TTC23: variants seen among roughly 807,000 people sequenced by gnomAD.
TTC23 encodes the protein tetratricopeptide repeat domain 23, also known as tetratricopeptide repeat protein 23.
TTC23 carries 58 observed loss-of-function variants against 55.1 expected under a neutral mutation model. The observed-to-expected ratio is 1.05, with a 90% confidence interval of 0.85 to 1.31. TTC23 has a LOEUF of 1.31. Ranked by LOEUF, TTC23 falls within the 50% of genes most tolerant of loss-of-function variation. The pLI is 0.00. For missense variants in TTC23, 516 were observed against 534.4 expected (o/e 0.97, Z 0.34); for synonymous variants, 203 against 199.9 (o/e 1.02, Z -0.13).
chr15:99,149,148 A>G (rs1243328261), intron 12 of TTC23, among the ~76,000 whole-genome samples: 2 of 152,190 alleles, frequency 1.3e-5, no homozygotes, highest in African/African-American at 4.8e-5. Context: ...GGCATTTGAG[A>G]AACTCCAGTC....
intron 9 of TTC23, among the ~76,000 whole-genome samples, chr15:99,181,239 A>G (rs989128142): frequency 6.6e-6 from 1 of 152,192 alleles, no homozygotes; most frequent in African/African-American, 2.4e-5. Flanking sequence ...TGATTTTCTA[A>G]TCAATGTAAT....
chr15:99,139,547 C>A, intron 12 of TTC23, 148 bp from the exon 13 acceptor site: 1 of 1,547,620 alleles, frequency 6.5e-7, no homozygotes, highest in Non-Finnish European at 8.7e-7. Flanking sequence ...CTCCTAGTGA[C>A]TGACCTTTGG....
intron 8 of TTC23, among the ~76,000 whole-genome samples, chr15:99,203,007 A>C (rs2076321661): frequency 6.6e-6 from 1 of 152,158 alleles, no homozygotes; most frequent in Admixed American, 6.6e-5. Flanking sequence ...CCCAACCTGC[A>C]CACCATATGC....
intron 8 of TTC23, among the ~76,000 whole-genome samples, chr15:99,204,389 T>C (rs192689536): frequency 6.6e-6 from 1 of 152,288 alleles, no homozygotes; most frequent in Admixed American, 6.5e-5. Flanking sequence ...TATTAATCCC[T>C]CGACAGATGG....
rs1286172224 is a variant in TTC23 at position 99,182,248 on chromosome 15, T to TCTCA, written c.760-7094_760-7093insTGAG. Among the ~76,000 whole-genome samples the TCTCA allele has an allele frequency of 6.3e-3, 690 of 108,696 alleles. 6 individuals carry two copies. The highest frequency in any genetic ancestry group is 0.017 in the African/African-American group (444 of 26,200). 71.3% of individuals were successfully genotyped at this position (108,696 alleles called of 152,430 possible). ...ATCTCTCTCTCTCTCTCTCTCTCTC[T>TCTCA]CACACACACACACACACACACACAC... On this transcript the variant is annotated intron_variant, in intron 9 of 13. Transcript: ENST00000394132.
intron 1 of TTC23, among the ~76,000 whole-genome samples, chr15:99,246,998 AT>A (rs1198059446): frequency 3.1e-4 from 47 of 152,338 alleles, no homozygotes; most frequent in Non-Finnish European, 4.4e-4. Context: ...AATTAAAAAA[AT>A]AGGCAAAATA....
intron 12 of TTC23, among the ~76,000 whole-genome samples, chr15:99,142,030 G>A (rs1345899179): frequency 1.3e-5 from 2 of 152,162 alleles, no homozygotes; most frequent in Non-Finnish European, 2.9e-5. Flanking sequence ...TAGGCAATGG[G>A]CTGAGCTGCT....
chr15:99,160,786 G>A (rs528878961), intron 11 of TTC23: 6 of 152,164 alleles, frequency 3.9e-5, no homozygotes, highest in Admixed American at 6.5e-5. Context: ...AGGCTGAGGC[G>A]GGCGGATCAC....
intron 4 of TTC23, among the ~76,000 whole-genome samples, chr15:99,232,405 G>A (rs1596971581): frequency 1.3e-5 from 2 of 151,620 alleles, no homozygotes; most frequent in South Asian, 4.2e-4. Context: ...CTTGAACTTG[G>A]GAGGCGGAGG....
chr15:99,245,918 A>C (rs2080204311), intron 1 of TTC23, among the ~76,000 whole-genome samples: 1 of 150,338 alleles, frequency 6.7e-6, no homozygotes, highest in African/African-American at 2.5e-5. Flanking sequence ...CATTCTCCTG[A>C]CTCAGCCTCC....
chr15:99,190,438 A>T (rs887370367), intron 9 of TTC23, among the ~76,000 whole-genome samples: 4 of 152,060 alleles, frequency 2.6e-5, no homozygotes, highest in Admixed American at 2.0e-4. Flanking sequence ...ATGCCTAGCT[A>T]ATTTCCTTGT....
intron 12 of TTC23, among the ~76,000 whole-genome samples, chr15:99,154,648 G>A (rs782033323): frequency 1.3e-5 from 2 of 152,030 alleles, no homozygotes; most frequent in African/African-American, 2.4e-5. Flanking sequence ...CCTAATCTCC[G>A]GTAGTGTGAA....
intron 8 of TTC23, 38 bp downstream of exon 8, chr15:99,218,550 C>G: frequency 6.2e-7 from 1 of 1,612,824 alleles, no homozygotes; most frequent in Non-Finnish European, 8.5e-7. Flanking sequence ...AAGAGCCTCC[C>G]GCCATCATGT....
intron 12 of TTC23, among the ~76,000 whole-genome samples, chr15:99,149,670 G>A (rs1400832561): frequency 6.6e-6 from 1 of 152,208 alleles, no homozygotes; most frequent in Non-Finnish European, 1.5e-5. Flanking sequence ...CCTTATATAA[G>A]AACAACCTGC....
chr15:99,165,102 TA>T (rs1290099692), intron 10 of TTC23, among the ~76,000 whole-genome samples: 1 of 152,238 alleles, frequency 6.6e-6, no homozygotes, highest in Non-Finnish European at 1.5e-5. Context: ...TTGATGATTT[TA>T]ATTTTAGGGA....
chr15:99,149,076 C>A (rs1054069024), intron 12 of TTC23, among the ~76,000 whole-genome samples: 26 of 152,202 alleles, frequency 1.7e-4, no homozygotes, highest in Non-Finnish European at 3.5e-4. Context: ...ACGAGAGCCA[C>A]CGTCGCCGGG....
rs200435817 is a variant in TTC23 at position 99,139,367 on chromosome 15, C to A, written c.1176G>T (p.Pro392=). The A allele has an allele frequency of 1.9e-6, 3 of 1,613,992 alleles. No homozygotes were observed. In the East Asian group the frequency reaches 6.7e-5, roughly 36 times the overall value. ...CLQIQTLLYG[P]QDKRTLATQQ... The stretch of plus-strand genomic sequence containing the variant: ...GGGTGGCCAGAGTCCTTTTGTCCTG[C>A]GGTCCATATAAGAGGGTCTGGATCT... Residue 392 remains proline (P), a synonymous_variant, in exon 13 of 14, where the codon CCG becomes CCT. Transcript: ENST00000394132.
rs2074365241 is a variant in TTC23 at position 99,183,508 on chromosome 15, T to A, written c.760-8353A>T. Among the ~76,000 whole-genome samples the A allele has an allele frequency of 4.1e-5, 6 of 147,812 alleles. No individual in the cohort carries two copies. In the South Asian group the frequency reaches 1.3e-3, roughly 32 times the overall value. Reference sequence around the variant, plus strand: ...AGCTGATTTTTTGTATTTTTTTTTTTTTTTTTTTTTTTTAGTAGATAACGG... The same window carrying A: ...AGCTGATTTTTTGTATTTTTTTTTTATTTTTTTTTTTTTAGTAGATAACGG... On this transcript the variant is annotated intron_variant, in intron 9 of 13. Coordinates refer to ENST00000394132, the MANE Select transcript of TTC23 (RefSeq NM_001288615.3).
At chr15:99,207,333 T>A (rs185700664) in intron 8 of TTC23, among the ~76,000 whole-genome samples, 55 of 152,294 alleles carry the variant, frequency 3.6e-4, no homozygotes, top group African/African-American at 1.3e-3. Flanking sequence ...TACCAATTTT[T>A]AAGAAAAATG....
Sources: allele counts gnomAD v4.1 joint callset (sites outside exome capture counted in the v4.1 genomes callset), GRCh38; gene constraint gnomAD v4.1.1; transcripts MANE v1.5; gene names NCBI Gene and HGNC (gene_info 2026-07-23, HGNC 2026-07-21).